Variants in NAALADL2 observed in about 807,000 individuals in gnomAD.
NAALADL2 encodes inactive N-acetylated-alpha-linked acidic dipeptidase-like protein 2.
A neutral mutation model predicts 87.2 loss-of-function variants in NAALADL2; 76 were observed. The ratio of observed to expected loss-of-function variants is 0.87; its 90% CI spans 0.72 to 1.05. The LOEUF (loss-of-function observed/expected upper bound fraction) is 1.05. Among genes scored for constraint, NAALADL2 ranks in the 50% least tolerant of loss-of-function variants. The pLI, the probability that NAALADL2 is intolerant of heterozygous loss-of-function variation, is 0.00. For synonymous variants in NAALADL2, 354 were observed against 331.0 expected (o/e 1.07, Z -0.75); for missense variants, 1,089 against 945.8 (o/e 1.15, Z -1.99).
At chr3:175,073,906 C>G (rs560442026) in intron 1 of NAALADL2, among the ~76,000 whole-genome samples, 4 of 152,154 alleles carry the variant, frequency 2.6e-5, no homozygotes, top group Non-Finnish European at 5.9e-5. Context: ...AAACTGCAAG[C>G]CCCCTCCCCT....
chr3:175,189,633 G>T (rs1390572752), intron 2 of NAALADL2, among the ~76,000 whole-genome samples: 1 of 152,150 alleles, frequency 6.6e-6, no homozygotes, highest in Non-Finnish European at 1.5e-5. Context: ...GTTAAAGTGT[G>T]CTTACTATCC....
At chr3:175,453,969 G>A (rs1225233418) in intron 6 of NAALADL2, among the ~76,000 whole-genome samples, 2 of 152,080 alleles carry the variant, frequency 1.3e-5, no homozygotes, top group Non-Finnish European at 2.9e-5. Context: ...ATCACATGAA[G>A]TGACATTCCT....
chr3:175,116,425 C>A (rs556352709), intron 2 of NAALADL2, among the ~76,000 whole-genome samples: 102 of 152,066 alleles, frequency 6.7e-4, no homozygotes, highest in Non-Finnish European at 1.2e-3. Context: ...CACAAGCATT[C>A]CTATACACCA....
intron 3 of NAALADL2, among the ~76,000 whole-genome samples, chr3:174,842,012 C>A (rs1326407337): frequency 6.7e-6 from 1 of 150,196 alleles, no homozygotes; most frequent in Non-Finnish European, 1.5e-5. Context: ...AATTGTTCTT[C>A]ATTTTATATT....
intron 3 of NAALADL2, among the ~76,000 whole-genome samples, chr3:174,785,000 T>C (rs2109166220): frequency 6.6e-6 from 1 of 152,316 alleles, no homozygotes; most frequent in Admixed American, 6.5e-5. Flanking sequence ...TTTGTCCTTT[T>C]TAATTTAATT....
At chr3:174,576,250 A>G (rs1488913916) in intron 2 of NAALADL2, among the ~76,000 whole-genome samples, 1 of 152,208 alleles carries the variant, frequency 6.6e-6, no homozygotes, top group African/African-American at 2.4e-5. Context: ...TAAAGTAGAC[A>G]TACAGACAAA....
intron 5 of NAALADL2, among the ~76,000 whole-genome samples, chr3:175,404,186 A>C (rs1329364642): frequency 1.3e-5 from 2 of 152,154 alleles, no homozygotes; most frequent in Non-Finnish European, 2.9e-5. Context: ...AATGTAGTGG[A>C]AACAGCAAGT....
chr3:175,068,877 T>G (rs73035484), intron 1 of NAALADL2, among the ~76,000 whole-genome samples: 17,610 of 152,016 alleles, frequency 0.12, 2,467 homozygotes, highest in African/African-American at 0.34. Flanking sequence ...GAGCATGGGT[T>G]CCTCTAAAAT....
intron 2 of NAALADL2, among the ~76,000 whole-genome samples, chr3:175,132,244 C>T (rs1177758680): frequency 3.1e-5 from 1 of 32,116 alleles, no homozygotes; most frequent in Non-Finnish European, 5.3e-5. Context: ...CCGGACGGGG[C>T]GGCTGGCCGG....
intron 9 of NAALADL2, among the ~76,000 whole-genome samples, chr3:175,536,089 G>T (rs75018766): frequency 0.018 from 2,801 of 152,276 alleles, 83 homozygotes; most frequent in African/African-American, 0.064. Flanking sequence ...AAACCAGGCA[G>T]ATTTTAGATT....
intron 1 of NAALADL2, among the ~76,000 whole-genome samples, chr3:174,511,274 C>A (rs1719587336): frequency 6.6e-6 from 1 of 151,864 alleles, no homozygotes; most frequent in East Asian, 1.9e-4. Flanking sequence ...GTTGAAGTCT[C>A]TAATTTACAT....
intron 13 of NAALADL2, among the ~76,000 whole-genome samples, chr3:175,762,739 C>T (rs1453925917): frequency 6.6e-6 from 1 of 152,078 alleles, no homozygotes; most frequent in Non-Finnish European, 1.5e-5. Context: ...GTTGCAACAT[C>T]TTCATAGAAA....
chr3:174,660,266 A>G (rs1725380441), intron 2 of NAALADL2, among the ~76,000 whole-genome samples: 1 of 152,156 alleles, frequency 6.6e-6, no homozygotes, highest in Non-Finnish European at 1.5e-5. Flanking sequence ...AACTTTGCCA[A>G]TGATTTTTGC....
At chr3:175,513,736 G>C (rs1360098474) in intron 9 of NAALADL2, among the ~76,000 whole-genome samples, 1 of 152,204 alleles carries the variant, frequency 6.6e-6, no homozygotes, top group Non-Finnish European at 1.5e-5. Flanking sequence ...ATAGACAGCA[G>C]CGTGTGGCAT....
intron 1 of NAALADL2, among the ~76,000 whole-genome samples, chr3:174,910,764 A>C (rs904804340): frequency 6.6e-6 from 1 of 151,906 alleles, no homozygotes; most frequent in Non-Finnish European, 1.5e-5. Flanking sequence ...ATGTGACTTG[A>C]CCCTCCTCTT....
At chr3:174,525,976 A>C (rs191880114) in intron 1 of NAALADL2, among the ~76,000 whole-genome samples, 1 of 152,330 alleles carries the variant, frequency 6.6e-6, no homozygotes, top group East Asian at 1.9e-4. Flanking sequence ...TTAGTCAAAA[A>C]ACTAGCTAGT....
At chr3:175,045,397 ATTTTTCTGTTATCT>A (rs1754548967) in intron 1 of NAALADL2, among the ~76,000 whole-genome samples, 1 of 151,812 alleles carries the variant, frequency 6.6e-6, no homozygotes, top group East Asian at 1.9e-4. Context: ...TGTGTTTATA[ATTTTTCTGTTATCT>A]TTTCTCAAAA....
intron 5 of NAALADL2, among the ~76,000 whole-genome samples, chr3:175,438,166 G>T (rs1019293158): frequency 6.6e-6 from 1 of 152,022 alleles, no homozygotes; most frequent in Admixed American, 6.6e-5. Context: ...TGAGAATAAT[G>T]CATAGCACAA....
At chr3:175,140,806 G>A (rs1729879939) in intron 2 of NAALADL2, among the ~76,000 whole-genome samples, 1 of 152,122 alleles carries the variant, frequency 6.6e-6, no homozygotes, top group Admixed American at 6.6e-5. Context: ...TTTGCAGAAG[G>A]AAACAGAGGG....
Sources: allele counts gnomAD v4.1 joint callset (sites outside exome capture counted in the v4.1 genomes callset), GRCh38; gene constraint gnomAD v4.1.1; transcripts MANE v1.5; gene names NCBI Gene and HGNC (gene_info 2026-07-23, HGNC 2026-07-21).